Variants in RYR2 observed in about 807,000 individuals in gnomAD.
The protein encoded by RYR2 is ryanodine receptor 2.
Under a neutral mutation model 601.1 loss-of-function variants are expected in RYR2, and 227 were observed. That is an observed-to-expected ratio of 0.38 (90% CI 0.34 to 0.42). The LOEUF (loss-of-function observed/expected upper bound fraction) is 0.42, where lower values mean the gene tolerates loss of function less well. Among genes scored for constraint, RYR2 ranks in the 10% least tolerant of loss-of-function variants. The probability of loss-of-function intolerance (pLI) is 1.00; values close to 1 mark genes in which losing one functional copy is unlikely to be tolerated. For missense variants in RYR2, 4,646 were observed against 6,156.5 expected, an observed-to-expected ratio of 0.75 and a Z score of 8.21; for synonymous variants, 2,223 against 2,175.1, an observed-to-expected ratio of 1.02 and a Z score of -0.61.
At chr1:237,206,268 A>G (rs971499986) in intron 1 of RYR2, among the ~76,000 whole-genome samples, 1 of 152,152 alleles carries the variant, frequency 6.6e-6, no homozygotes, top group Non-Finnish European at 1.5e-5. Context: ...TACCTGTTTG[A>G]TTCCATTTTC....
At chr1:237,527,614 A>T (rs1436087547) in intron 24 of RYR2, among the ~76,000 whole-genome samples, 4 of 152,088 alleles carry the variant, frequency 2.6e-5, no homozygotes, top group Non-Finnish European at 5.9e-5. Flanking sequence ...TACCTGAAAT[A>T]TTTGCCTCTT....
chr1:237,562,749 A>G (rs1046149128), intron 27 of RYR2, among the ~76,000 whole-genome samples: 6 of 152,354 alleles, frequency 3.9e-5, no homozygotes, highest in Middle Eastern at 3.4e-3. Context: ...ATAATTGCCT[A>G]TCAAACACAT....
In RYR2 at chr1:237,556,880, C is replaced by CAAA. The variant is rs869116177; in HGVS notation, c.3214+6216_3214+6218dup. Among the ~76,000 whole-genome samples the CAAA allele has an allele frequency of 2.0e-3, 155 of 77,804 alleles. 3 individuals are homozygous for CAAA. Among genetic ancestry groups the CAAA allele is most frequent in the East Asian group, 6.2e-3 (18 of 2,894 alleles). 51.0% of individuals were successfully genotyped at this position (77,804 alleles called of 152,430 possible). A position where few individuals can be genotyped will look rare whatever the true frequency, so the allele number is the denominator to read the frequency against. ...AGCAAACTACCCCTTTCCCTCCCAC[C>CAAA]AAAAAAAAAAAAAAAAAAAAAAAAA... On this transcript the variant is annotated intron_variant, in intron 27 of 104. Coordinates refer to ENST00000366574, the MANE Select transcript of RYR2 (RefSeq NM_001035.3).
chr1:237,630,270 A>T (rs1301140662), intron 41 of RYR2, among the ~76,000 whole-genome samples: 1 of 152,190 alleles, frequency 6.6e-6, no homozygotes, highest in Non-Finnish European at 1.5e-5. Flanking sequence ...TAAAACTAAA[A>T]GCAAATGAGA....
At chr1:237,091,069 G>C (rs1666899573) in intron 1 of RYR2, among the ~76,000 whole-genome samples, 2 of 152,198 alleles carry the variant, frequency 1.3e-5, no homozygotes, top group South Asian at 4.1e-4. Context: ...TTTGGTGAAG[G>C]AGTGTTACTA....
At chr1:237,808,866 T>G (rs763541327) in intron 99 of RYR2, 35 bp from the exon 100 acceptor site, 18 of 1,611,056 alleles carry the variant, frequency 1.1e-5, no homozygotes, top group African/African-American at 6.7e-5. Context: ...TGTCCTACAT[T>G]TCTAATACCT....
chr1:237,650,417 A>G (rs1435624895), intron 50 of RYR2, among the ~76,000 whole-genome samples: 1 of 152,174 alleles, frequency 6.6e-6, no homozygotes, highest in African/African-American at 2.4e-5. Context: ...TGAGATGAAT[A>G]GATCTCCCCT....
intron 10 of RYR2, among the ~76,000 whole-genome samples, chr1:237,403,379 A>ATC (rs1703563199): frequency 6.6e-6 from 1 of 152,204 alleles, no homozygotes; most frequent in Non-Finnish European, 1.5e-5. Context: ...AAGTGCTTAA[A>ATC]GAAAATATCT....
chr1:237,511,296 C>CAAAAAAAAA (rs764004466), intron 23 of RYR2, among the ~76,000 whole-genome samples: 1 of 88,236 alleles, frequency 1.1e-5, no homozygotes. Context: ...GTGTATGGAC[C>CAAAAAAAAA]AAAAAAAAAA....
chr1:237,071,675 C>T (rs942273774), intron 1 of RYR2, among the ~76,000 whole-genome samples: 12 of 152,216 alleles, frequency 7.9e-5, no homozygotes, highest in Non-Finnish European at 1.5e-4. Flanking sequence ...GGCTTCAGGT[C>T]GTGCCTGGCT....
At chr1:237,574,145 G>T (rs768955299) in intron 29 of RYR2, among the ~76,000 whole-genome samples, 2 of 152,180 alleles carry the variant, frequency 1.3e-5, no homozygotes, top group Non-Finnish European at 2.9e-5. Flanking sequence ...TCTCTTCAGA[G>T]TATCTTTGGG....
chr1:237,266,750 T>C (rs899003062), intron 1 of RYR2, among the ~76,000 whole-genome samples: 3 of 151,884 alleles, frequency 2.0e-5, no homozygotes, highest in Non-Finnish European at 4.4e-5. Context: ...TGAACCACGA[T>C]TGAAAGCTGT....
At chr1:237,605,768 C>A (rs2148534889) in intron 35 of RYR2, among the ~76,000 whole-genome samples, 1 of 152,090 alleles carries the variant, frequency 6.6e-6, no homozygotes, top group South Asian at 2.1e-4. Context: ...TCTTATACAC[C>A]AACAACAGAC....
At chr1:237,137,639 T>C (rs773683766) in intron 1 of RYR2, among the ~76,000 whole-genome samples, 8 of 152,256 alleles carry the variant, frequency 5.3e-5, no homozygotes, top group Non-Finnish European at 8.8e-5. Context: ...TCTGTACAGA[T>C]AAGATGTGCG....
chr1:237,087,201 C>T (rs973901922), intron 1 of RYR2, among the ~76,000 whole-genome samples: 1 of 152,182 alleles, frequency 6.6e-6, no homozygotes, highest in Non-Finnish European at 1.5e-5. Context: ...TTCCAGATGG[C>T]ACCTGAACCA....
intron 29 of RYR2, among the ~76,000 whole-genome samples, chr1:237,570,338 ATTT>A (rs202206483): frequency 2.4e-3 from 350 of 142,998 alleles, no homozygotes; most frequent in African/African-American, 4.4e-3. Flanking sequence ...GTTAGTTTGA[ATTT>A]TTTTTTTTTT....
chr1:237,114,778 C>T lies in RYR2; in HGVS notation c.48+72209C>T, dbSNP rs765893919. On this transcript the variant is annotated intron_variant, in intron 1 of 104. Coordinates refer to ENST00000366574, the MANE Select transcript of RYR2 (RefSeq NM_001035.3). ...ACCACCTTTTAACTAGTGTACTGAC[C>T]TTGGGCAAGTTACTCAACCTCTCTG... 6.9e-4 allele frequency among the ~76,000 whole-genome samples: 105 copies of T among 152,194 alleles called. 2 individuals are homozygous for T. Among genetic ancestry groups the T allele is most frequent in the Non-Finnish European group, 1.3e-3 (88 of 68,034 alleles).
intron 1 of RYR2, among the ~76,000 whole-genome samples, chr1:237,232,939 T>G (rs1388998839): frequency 1.3e-5 from 2 of 152,180 alleles, no homozygotes; most frequent in Non-Finnish European, 2.9e-5. Context: ...GACAGAAAGA[T>G]TTTGAATGCT....
In RYR2 at chr1:237,732,034, A is replaced by T; in HGVS notation, c.10936-12A>T. The T allele has an allele frequency of 6.4e-7, 1 of 1,566,142 alleles. No homozygotes were observed. Among genetic ancestry groups the T allele is most frequent in the South Asian group, 1.1e-5 (1 of 87,640 alleles). ...TTTAATGTGACATTTTATAAATTTG[A>T]CTTTTTTGCAGAAACCTGGGGCTGA... On this transcript the variant is annotated splice_polypyrimidine_tract_variant and intron_variant, in intron 77 of 104. Coordinates refer to ENST00000366574, the MANE Select transcript of RYR2 (RefSeq NM_001035.3).
Sources: allele counts gnomAD v4.1 joint callset (sites outside exome capture counted in the v4.1 genomes callset), GRCh38; gene constraint gnomAD v4.1.1; transcripts MANE v1.5; gene names NCBI Gene and HGNC (gene_info 2026-07-23, HGNC 2026-07-21).